CADM2: variants seen among roughly 807,000 people sequenced by gnomAD.
The protein encoded by CADM2 is cell adhesion molecule 2, also known as immunoglobulin superfamily member 4D.
A neutral mutation model predicts 49.8 loss-of-function variants in CADM2; 12 were observed. That is an observed-to-expected ratio of 0.24 (90% CI 0.15 to 0.39). The LOEUF is 0.39. CADM2 is among the 10% of genes least tolerant of loss of function. The pLI, the probability that CADM2 is intolerant of heterozygous loss-of-function variation, is 1.00. For missense variants in CADM2, 378 were observed against 492.3 expected (o/e 0.77, Z 2.20); for synonymous variants, 214 against 175.4 (o/e 1.22, Z -1.74).
chr3:85,605,691 C>T (rs1175021211), intron 1 of CADM2, among the ~76,000 whole-genome samples: 1 of 152,012 alleles, frequency 6.6e-6, no homozygotes, highest in Non-Finnish European at 1.5e-5. Context: ...TGATTCACCA[C>T]CTGTAATTGT....
intron 1 of CADM2, among the ~76,000 whole-genome samples, chr3:85,264,472 G>A (rs1278427498): frequency 1.3e-5 from 2 of 151,940 alleles, no homozygotes; most frequent in Non-Finnish European, 2.9e-5. Flanking sequence ...CAGTAAAATT[G>A]TTTATTCCTT....
At chr3:84,988,093 T>C (rs748420476) in intron 1 of CADM2, among the ~76,000 whole-genome samples, 2 of 152,176 alleles carry the variant, frequency 1.3e-5, no homozygotes, top group Non-Finnish European at 2.9e-5. Flanking sequence ...TCACTCCCCA[T>C]CCACTTTTTG....
At chr3:85,902,133 T>C (rs1716207717) in intron 5 of CADM2, among the ~76,000 whole-genome samples, 1 of 152,064 alleles carries the variant, frequency 6.6e-6, no homozygotes, top group Non-Finnish European at 1.5e-5. Flanking sequence ...TTCAATTCTC[T>C]TGAGTATATT....
chr3:85,314,182 C>T (rs2044412111), intron 1 of CADM2, among the ~76,000 whole-genome samples: 1 of 152,134 alleles, frequency 6.6e-6, no homozygotes, highest in African/African-American at 2.4e-5. Flanking sequence ...GCCACCGCGC[C>T]CTGCCTGTAC....
intron 3 of CADM2, among the ~76,000 whole-genome samples, chr3:85,861,301 T>C (rs1473296235): frequency 6.6e-6 from 1 of 152,164 alleles, no homozygotes; most frequent in African/African-American, 2.4e-5. Flanking sequence ...GAATTTGTAA[T>C]TTGTAATTCC....
intron 1 of CADM2, among the ~76,000 whole-genome samples, chr3:85,520,639 C>A (rs1368537055): frequency 6.6e-6 from 1 of 151,870 alleles, no homozygotes; most frequent in South Asian, 2.1e-4. Flanking sequence ...GATTCATCTT[C>A]TATTAGACAT....
At position 85,212,810 on chromosome 3, in the gene CADM2, TTCTC is replaced by T. The variant is rs1221512452; in HGVS notation, c.61+253144_61+253147del. Among the ~76,000 whole-genome samples, 225 of 102,304 alleles carry T rather than the reference TTCTC, an allele frequency of 2.2e-3. 1 individual carries two copies. Among genetic ancestry groups the T allele is most frequent in the Middle Eastern group, 6.3e-3 (1 of 160 alleles). 67.1% of individuals were successfully genotyped at this position (102,304 alleles called of 152,430 possible). A position where few individuals can be genotyped will look rare whatever the true frequency, so the allele number is the denominator to read the frequency against. On this transcript the variant is annotated intron_variant, in intron 1 of 9. Coordinates refer to ENST00000383699, the MANE Select transcript of CADM2 (RefSeq NM_001167675.2). Reference sequence around the variant, plus strand: ...GCCTTCAGATATTTTCTTCTTTTTCTTCTCTTTCTTTCTTTCTTTCTTTCTTTCT... The same window carrying T: ...GCCTTCAGATATTTTCTTCTTTTTCTTTTCTTTCTTTCTTTCTTTCTTTCT...
At chr3:85,649,456 C>G (rs1003617231) in intron 1 of CADM2, among the ~76,000 whole-genome samples, 5 of 152,098 alleles carry the variant, frequency 3.3e-5, no homozygotes, top group African/African-American at 1.2e-4. Context: ...TTCTAACTCT[C>G]ATGTTTTGAA....
intron 1 of CADM2, among the ~76,000 whole-genome samples, chr3:85,711,976 G>A (rs1050216440): frequency 5.9e-5 from 9 of 152,112 alleles, no homozygotes; most frequent in African/African-American, 1.9e-4. Context: ...TGATGTAATC[G>A]TCTCACCTTC....
chr3:85,415,807 C>A (rs1326428152), intron 1 of CADM2, among the ~76,000 whole-genome samples: 1 of 152,042 alleles, frequency 6.6e-6, no homozygotes, highest in East Asian at 1.9e-4. Flanking sequence ...AGGATCAAAG[C>A]TTGTAAGGGA....
At chr3:85,981,707 G>A (rs907875947) in intron 8 of CADM2, among the ~76,000 whole-genome samples, 6 of 151,566 alleles carry the variant, frequency 4.0e-5, no homozygotes, top group African/African-American at 7.3e-5. Context: ...TAATGGCTGC[G>A]TAGTATTTCT....
chr3:85,098,360 A>G (rs1423511037), intron 1 of CADM2, among the ~76,000 whole-genome samples: 2 of 152,146 alleles, frequency 1.3e-5, no homozygotes, highest in Non-Finnish European at 2.9e-5. Context: ...AAAAAATATG[A>G]CCAAAGTTAA....
At chr3:85,957,041 T>G (rs1468852856) in intron 7 of CADM2, among the ~76,000 whole-genome samples, 9 of 151,840 alleles carry the variant, frequency 5.9e-5, no homozygotes, top group Non-Finnish European at 8.8e-5. Flanking sequence ...TATTTTAATA[T>G]GGGTCTTATG....
At chr3:85,195,790 G>T (rs529657727) in intron 1 of CADM2, among the ~76,000 whole-genome samples, 3 of 151,918 alleles carry the variant, frequency 2.0e-5, no homozygotes, top group South Asian at 2.1e-4. Context: ...TAAAATAAAA[G>T]GGCTAAGTAT....
At chr3:84,988,910 TA>T (rs557185275) in intron 1 of CADM2, among the ~76,000 whole-genome samples, 5 of 152,308 alleles carry the variant, frequency 3.3e-5, no homozygotes, top group Non-Finnish European at 5.9e-5. Context: ...ATTTTTTATT[TA>T]AAAAATTATT....
chr3:85,491,947 C>CAAAA (rs11392788), intron 1 of CADM2, among the ~76,000 whole-genome samples: 151 of 134,610 alleles, frequency 1.1e-3, no homozygotes, highest in Middle Eastern at 3.9e-3. Flanking sequence ...GAGACTGTCT[C>CAAAA]AAAAAAAAAA....
chr3:85,832,885 C>T (rs1251432853), intron 3 of CADM2, among the ~76,000 whole-genome samples: 1 of 151,782 alleles, frequency 6.6e-6, no homozygotes, highest in Non-Finnish European at 1.5e-5. Context: ...CTTGTTACAT[C>T]TCTTCAGATG....
At chr3:85,565,115 A>G (rs1322265369) in intron 1 of CADM2, among the ~76,000 whole-genome samples, 1 of 152,016 alleles carries the variant, frequency 6.6e-6, no homozygotes, top group African/African-American at 2.4e-5. Context: ...ATTTATCCAT[A>G]CCTCATAGAG....
At chr3:85,353,680 A>G (rs1449451182) in intron 1 of CADM2, among the ~76,000 whole-genome samples, 1 of 151,708 alleles carries the variant, frequency 6.6e-6, no homozygotes, top group Non-Finnish European at 1.5e-5. Flanking sequence ...ACATCAATTG[A>G]TTTGCATGTC....
Sources: gnomAD v4.1 joint callset for allele counts (sites outside exome capture counted in the v4.1 genomes callset) on GRCh38, gnomAD v4.1.1 for gene constraint, MANE v1.5 for transcripts, NCBI Gene and HGNC (gene_info 2026-07-23, HGNC 2026-07-21) for gene names.